The following COX7B2 variants were observed in gnomAD, a reference collection of about 807,000 sequenced individuals.
The protein encoded by COX7B2 is cytochrome c oxidase subunit 7B2, mitochondrial.
For missense variants in COX7B2, 109 were observed against 95.9 expected (o/e 1.14, Z -0.57); for synonymous variants, 37 against 32.1 (o/e 1.15, Z -0.51).
intron 1 of COX7B2, among the ~76,000 whole-genome samples, chr4:46,869,191 C>A (rs1387815146): frequency 6.6e-6 from 1 of 152,048 alleles, no homozygotes; most frequent in African/African-American, 2.4e-5. Flanking sequence ...AGGATTGCAA[C>A]CCCTGATTTT....
chr4:46,767,898 G>A (rs955132967), intron 2 of COX7B2, among the ~76,000 whole-genome samples: 3 of 152,218 alleles, frequency 2.0e-5, no homozygotes, highest in Non-Finnish European at 4.4e-5. Context: ...TGAAGGTGTG[G>A]CTCCCTTAGT....
At chr4:46,735,639 TA>T (rs1714319414) in intron 2 of COX7B2, among the ~76,000 whole-genome samples, 1 of 152,208 alleles carries the variant, frequency 6.6e-6, no homozygotes, top group East Asian at 1.9e-4. Flanking sequence ...CCCTCCTGCT[TA>T]ACCCCTTTCC....
chr4:46,860,344 A>T (rs951465743), intron 1 of COX7B2, among the ~76,000 whole-genome samples: 1 of 152,190 alleles, frequency 6.6e-6, no homozygotes, highest in Non-Finnish European at 1.5e-5. Flanking sequence ...GTCAGGTGAC[A>T]GCAGCAGATT....
chr4:46,846,073 G>C (rs1226640358), intron 1 of COX7B2, among the ~76,000 whole-genome samples: 4 of 152,086 alleles, frequency 2.6e-5, no homozygotes, highest in African/African-American at 9.6e-5. Flanking sequence ...TGCTAAACAA[G>C]AAATGGCAAG....
chr4:46,776,596 T>C (rs2109536326), intron 2 of COX7B2, among the ~76,000 whole-genome samples: 1 of 152,230 alleles, frequency 6.6e-6, no homozygotes, highest in East Asian at 1.9e-4. Context: ...TCAAAAAATA[T>C]CAGTCTCTCC....
chr4:46,764,994 A>T (rs1488710728), intron 2 of COX7B2, among the ~76,000 whole-genome samples: 1 of 152,040 alleles, frequency 6.6e-6, no homozygotes, highest in East Asian at 1.9e-4. Flanking sequence ...ACTTATTCTG[A>T]AGTGTTAACA....
intron 2 of COX7B2, among the ~76,000 whole-genome samples, chr4:46,797,871 C>T (rs145408137): frequency 1.3e-5 from 2 of 152,288 alleles, no homozygotes; most frequent in South Asian, 2.1e-4. Flanking sequence ...CTGATAAATG[C>T]ATTTTTCTCA....
chr4:46,815,930 A>T (rs1362066017), intron 2 of COX7B2, among the ~76,000 whole-genome samples: 1 of 152,200 alleles, frequency 6.6e-6, no homozygotes, highest in Admixed American at 6.5e-5. Context: ...ACCAATGCTT[A>T]TAAGATTTAT....
chr4:46,821,304 A>G (rs184816383), intron 2 of COX7B2, among the ~76,000 whole-genome samples: 158 of 152,342 alleles, frequency 1.0e-3, no homozygotes, highest in African/African-American at 3.6e-3. Context: ...TTCTGAGAGA[A>G]ATTACTTTTC....
intron 1 of COX7B2, among the ~76,000 whole-genome samples, chr4:46,872,358 C>A (rs1335728721): frequency 6.6e-6 from 1 of 151,572 alleles, no homozygotes; most frequent in Non-Finnish European, 1.5e-5. Flanking sequence ...GAGCAGAAAA[C>A]GTAACTATTG....
At chr4:46,886,891 C>T (rs972081466) in intron 1 of COX7B2, among the ~76,000 whole-genome samples, 1 of 152,044 alleles carries the variant, frequency 6.6e-6, no homozygotes, top group Non-Finnish European at 1.5e-5. Flanking sequence ...AAGAGAAAAC[C>T]CTTATGTGTA....
rs186252683 is a variant in COX7B2 at position 46,830,906 on chromosome 4, T to A, written c.-50+14054A>T. ...AGCCCTCGCAGCCTTTGCTCGCTCT[T>A]GGCGCCTCCTAGGCGTCGGCGCCCA... On this transcript the variant is annotated intron_variant, in intron 2 of 2. Coordinates refer to ENST00000355591, the MANE Select transcript of COX7B2 (RefSeq NM_130902.3). Among the ~76,000 whole-genome samples the A allele has an allele frequency of 5.5e-3, 838 of 152,326 alleles. 10 individuals are homozygous for A. The highest frequency in any genetic ancestry group is 0.019 in the African/African-American group (810 of 41,584).
chr4:46,804,785 G>A (rs113917475), intron 2 of COX7B2, among the ~76,000 whole-genome samples: 1,612 of 152,346 alleles, frequency 0.011, 27 homozygotes, highest in African/African-American at 0.036. Context: ...ATCCCCTACC[G>A]GGGCCGCAGG....
At chr4:46,872,358 CG>C (rs1178006689) in intron 1 of COX7B2, among the ~76,000 whole-genome samples, 2 of 151,572 alleles carry the variant, frequency 1.3e-5, no homozygotes, top group African/African-American at 4.8e-5. Flanking sequence ...GAGCAGAAAA[CG>C]TAACTATTGA....
intron 2 of COX7B2, among the ~76,000 whole-genome samples, chr4:46,746,851 A>T (rs1034135155): frequency 1.3e-5 from 2 of 152,234 alleles, no homozygotes; most frequent in East Asian, 1.9e-4. Flanking sequence ...AAACTTGATT[A>T]AACTGAGCTC....
intron 1 of COX7B2, among the ~76,000 whole-genome samples, chr4:46,861,946 C>A (rs1407636699): frequency 6.6e-6 from 1 of 152,156 alleles, no homozygotes; most frequent in Non-Finnish European, 1.5e-5. Flanking sequence ...TCCAATTAGC[C>A]CCAGCCTACA....
In COX7B2 at chr4:46,862,300, C is replaced by T. The variant is rs112505413; in HGVS notation, c.-104-17286G>A. Among the ~76,000 whole-genome samples the T allele has an allele frequency of 5.4e-3, 830 of 152,316 alleles. 7 individuals are homozygous for T. The highest frequency in any genetic ancestry group is 0.019 in the African/African-American group (771 of 41,556). On this transcript the variant is annotated intron_variant, in intron 1 of 2. Coordinates refer to ENST00000355591, the MANE Select transcript of COX7B2 (RefSeq NM_130902.3). ...GAAGTTTAGCCACATGGACAGGTCT[C>T]AATCTTTGAAGAAATAATTGAATCC...
intron 2 of COX7B2, among the ~76,000 whole-genome samples, chr4:46,739,749 T>C (rs1322028715): frequency 6.6e-6 from 1 of 152,038 alleles, no homozygotes; most frequent in African/African-American, 2.4e-5. Context: ...CTGGAATTAA[T>C]ACAGAGACAA....
rs186619496 is a variant in COX7B2, at chr4:46,844,199, T to C, written c.-50+761A>G. Among the ~76,000 whole-genome samples the C allele has an allele frequency of 5.3e-3, 807 of 152,126 alleles. 7 individuals carry two copies. Among genetic ancestry groups the C allele is most frequent in the South Asian group, 0.041 (197 of 4,834 alleles). On this transcript the variant is annotated intron_variant, in intron 2 of 2. Coordinates refer to ENST00000355591, the MANE Select transcript of COX7B2 (RefSeq NM_130902.3). ...ACTTAACAAAGTTATTACCACCAAA[T>C]AACTTGATTATCCTGTAAAATTTTA...
Sources: gnomAD v4.1 joint callset for allele counts (sites outside exome capture counted in the v4.1 genomes callset) on GRCh38, gnomAD v4.1.1 for gene constraint, MANE v1.5 for transcripts, NCBI Gene and HGNC (gene_info 2026-07-23, HGNC 2026-07-21) for gene names.